Variants in MYPN observed in about 807,000 individuals in gnomAD.
The protein encoded by MYPN is sarcomeric protein myopalladin, 145 kDa (MYOP).
MYPN carries 63 observed loss-of-function variants against 129.4 expected under a neutral mutation model. That is an observed-to-expected ratio of 0.49 (90% CI 0.40 to 0.60). The LOEUF is 0.60. Among genes scored for constraint, MYPN ranks in the 20% least tolerant of loss-of-function variants. MYPN has a pLI of 0.00. For missense variants in MYPN, 1,596 were observed against 1,635.4 expected (o/e 0.98, Z 0.42); for synonymous variants, 629 against 600.9 (o/e 1.05, Z -0.68).
rs540173933 is a variant in MYPN, at chr10:68,097,897, C to T, written c.-2+9905C>T. ...ATTTGTTTTCAAAAGAGGTGATGTCCCTTTCTTAAATTTAGTTCATGTGCA... is the reference window on the plus strand; with the variant it reads ...ATTTGTTTTCAAAAGAGGTGATGTCTCTTTCTTAAATTTAGTTCATGTGCA... On this transcript the variant is annotated intron_variant, in intron 1 of 6. Coordinates refer to the MYPN transcript ENST00000685154. Among the ~76,000 whole-genome samples, 10 of 152,160 alleles carry T rather than the reference C, an allele frequency of 6.6e-5. No individual in the cohort carries two copies. In the South Asian group the frequency reaches 1.5e-3, roughly 22 times the overall value.
intron 12 of MYPN, among the ~76,000 whole-genome samples, chr10:68,182,320 TAAC>T: frequency 1.6e-5 from 1 of 62,668 alleles, no homozygotes; most frequent in Non-Finnish European, 3.4e-5. Context: ...CACATATATA[TAAC>T]ATATATATAA....
chr10:68,198,535 GTTC>G (rs1564696894), intron 16 of MYPN, among the ~76,000 whole-genome samples: 4 of 152,086 alleles, frequency 2.6e-5, no homozygotes, highest in African/African-American at 2.4e-5. Flanking sequence ...TCTATCTGTG[GTTC>G]TTCTTCTCTC....
rs1382858003 is a variant in MYPN at position 68,211,514 on chromosome 10, T to C, written c.*1059T>C. 2.2e-6 allele frequency: 1 copy of C among 453,956 alleles called. No homozygotes were observed. The highest frequency in any genetic ancestry group is 4.4e-6 in the Non-Finnish European group (1 of 226,788). 28.1% of individuals were successfully genotyped at this position (453,956 alleles called of 1,614,324 possible). A position where few individuals can be genotyped will look rare whatever the true frequency, so the allele number is the denominator to read the frequency against. On this transcript the variant is annotated 3_prime_UTR_variant, in exon 20 of 20. Coordinates refer to ENST00000358913, the MANE Select transcript of MYPN (RefSeq NM_032578.4). ...TGAGATCATTGGTCAAATTGCATTTTCTATGTAGAGAATATTCTGCTAGGT... is the reference window on the plus strand; with the variant it reads ...TGAGATCATTGGTCAAATTGCATTTCCTATGTAGAGAATATTCTGCTAGGT...
rs556005452 is a variant in MYPN at position 68,169,841 on chromosome 10, G to A, written c.1973+3175G>A. Among the ~76,000 whole-genome samples the A allele has an allele frequency of 7.9e-5, 12 of 151,996 alleles. No homozygotes were observed. The East Asian group carries it at 2.3e-3, about 29-fold the overall frequency. On this transcript the variant is annotated intron_variant, in intron 10 of 19. Coordinates refer to ENST00000358913, the MANE Select transcript of MYPN (RefSeq NM_032578.4). ...TGCAACTTCTGCCTTCCGGGTTCAA[G>A]CAATCCTCCTGCCTCAGCCTCCCGA...
intron 1 of MYPN, among the ~76,000 whole-genome samples, chr10:68,090,164 T>C (rs1286253722): frequency 1.3e-5 from 2 of 152,066 alleles, no homozygotes; most frequent in African/African-American, 2.4e-5. Context: ...TACTACTCAA[T>C]GAACACTTTT....
chr10:68,148,617 T>C lies in MYPN; in HGVS notation c.1245+150T>C, dbSNP rs1273244108. 4 of 742,376 alleles carry C rather than the reference T, an allele frequency of 5.4e-6. No homozygotes were observed. In the Admixed American group the frequency reaches 8.1e-5, roughly 15 times the overall value. The allele number at this position is 742,376 out of a possible 1,614,324, so 46.0% of individuals were successfully genotyped here. A position where few individuals can be genotyped will look rare whatever the true frequency, so the allele number is the denominator to read the frequency against. On this transcript the variant is annotated intron_variant, in intron 5 of 19. Transcript: ENST00000358913. The stretch of plus-strand genomic sequence containing the variant: ...TTGTATTTCTGATGTTTGAGAGCAG[T>C]GGTTCCTGTTGCTTTGGGAACATAT...
At chr10:68,204,892 G>A (rs919754335) in intron 18 of MYPN, among the ~76,000 whole-genome samples, 1 of 151,644 alleles carries the variant, frequency 6.6e-6, no homozygotes. Flanking sequence ...CCAGTACCCC[G>A]TGTGCACTCC....
At chr10:68,161,675 T>C in intron 7 of MYPN, 54 bp from the exon 8 acceptor site, 7 of 1,437,720 alleles carry the variant, frequency 4.9e-6, no homozygotes, top group Non-Finnish European at 6.9e-6. Context: ...CTGATGAACA[T>C]GTAGTTTCTC....
chr10:68,121,585 G>A lies in MYPN; in HGVS notation c.147G>A (p.Gly49=), dbSNP rs1286172264. ...SNPCHFGSPS[G]AAEGGGGQDD... ...CTTGCCATTTCGGCAGTCCTTCTGG[G>A]GCCGCTGAAGGAGGCGGAGGCCAAG... Residue 49 remains glycine (G), a synonymous_variant, in exon 2 of 20, where the codon GGG becomes GGA. Coordinates refer to ENST00000358913, the MANE Select transcript of MYPN (RefSeq NM_032578.4). 6.2e-7 allele frequency: 1 copy of A among 1,614,068 alleles called. No individual in the cohort carries two copies. Among genetic ancestry groups the A allele is most frequent in the African/African-American group, 1.3e-5 (1 of 74,904 alleles).
chr10:68,153,740 A>G (rs1156909416), intron 6 of MYPN, among the ~76,000 whole-genome samples: 1 of 152,186 alleles, frequency 6.6e-6, no homozygotes, highest in Non-Finnish European at 1.5e-5. Flanking sequence ...TCTGAGTCAG[A>G]GCCACCAGTG....
At chr10:68,097,515 G>A (rs1032135861) in intron 1 of MYPN, among the ~76,000 whole-genome samples, 1 of 152,028 alleles carries the variant, frequency 6.6e-6, no homozygotes, top group African/African-American at 2.4e-5. Flanking sequence ...AATAGTGGTG[G>A]TTTACATTTA....
chr10:68,132,131 T>C (rs922102523), intron 2 of MYPN, among the ~76,000 whole-genome samples: 2 of 152,228 alleles, frequency 1.3e-5, no homozygotes, highest in Non-Finnish European at 2.9e-5. Flanking sequence ...TCTAGCTCTA[T>C]AATAACATAT....
At chr10:68,158,399 G>A (rs949806379) in intron 6 of MYPN, 87 bp from the exon 7 acceptor site, 110 of 1,278,328 alleles carry the variant, frequency 8.6e-5, no homozygotes, top group African/African-American at 2.1e-4. Flanking sequence ...ATATGGAGAC[G>A]GCATCTTTTT....
In MYPN at chr10:68,150,142, G is replaced by A. The variant is rs7096613; in HGVS notation, c.1317+31G>A. On this transcript the variant is annotated intron_variant, in intron 6 of 19. Coordinates refer to ENST00000358913, the MANE Select transcript of MYPN (RefSeq NM_032578.4). Reference sequence around the variant, plus strand: ...AAAAATATTACTTCTTTCTGTCATGGCTTTAAAGATACCACAGCACCCAAA... The same window carrying A: ...AAAAATATTACTTCTTTCTGTCATGACTTTAAAGATACCACAGCACCCAAA... 145,983 of 1,556,120 alleles carry A rather than the reference G, an allele frequency of 0.094. 9,966 individuals are homozygous for A. Among genetic ancestry groups the A allele is most frequent in the African/African-American group, 0.35 (26,161 of 73,778 alleles).
intron 2 of MYPN, among the ~76,000 whole-genome samples, chr10:68,134,860 T>C (rs1253113301): frequency 6.6e-6 from 1 of 152,182 alleles, no homozygotes; most frequent in Non-Finnish European, 1.5e-5. Flanking sequence ...GTGGTATTGA[T>C]GTCTTGGTAT....
chr10:68,210,984 C>T lies in MYPN; in HGVS notation c.*529C>T. ...AGCATTAGGAGGTCATGCCATACAA[C>T]TCACGTATGCGGGCAAACACTTTTG... is the stretch of plus-strand genomic sequence containing the variant. On this transcript the variant is annotated 3_prime_UTR_variant, in exon 20 of 20. Coordinates refer to ENST00000358913, the MANE Select transcript of MYPN (RefSeq NM_032578.4). 1 of 454,216 alleles carries T rather than the reference C, an allele frequency of 2.2e-6. No individual in the cohort carries two copies. The highest frequency in any genetic ancestry group is 4.4e-6 in the Non-Finnish European group (1 of 226,812). The allele number at this position is 454,216 out of a possible 1,614,324, so 28.1% of individuals were successfully genotyped here.
upstream of MYPN, chr10:68,109,453 A>G (rs1359579640): frequency 2.2e-6 from 1 of 451,628 alleles, no homozygotes; most frequent in African/African-American, 2.0e-5. Context: ...TCACAGGCAC[A>G]TGGTTTATAC....
At chr10:68,107,185 T>C (rs2042021697), upstream of MYPN, among the ~76,000 whole-genome samples, 1 of 152,184 alleles carries the variant, frequency 6.6e-6, no homozygotes, top group Non-Finnish European at 1.5e-5. Context: ...AACCAGAGTG[T>C]TCACAATTAC....
At chr10:68,195,145 G>T (rs2043582921) in intron 14 of MYPN, among the ~76,000 whole-genome samples, 2 of 152,070 alleles carry the variant, frequency 1.3e-5, no homozygotes, top group South Asian at 2.1e-4. Flanking sequence ...AAAATATTTG[G>T]CCATGCTTTC....
Sources: allele counts gnomAD v4.1 joint callset (sites outside exome capture counted in the v4.1 genomes callset), GRCh38; gene constraint gnomAD v4.1.1; transcripts MANE v1.5; gene names NCBI Gene and HGNC (gene_info 2026-07-23, HGNC 2026-07-21).